The following HDAC9 variants were observed in gnomAD, a reference collection of about 807,000 sequenced individuals.
HDAC9 encodes the protein histone deacetylase 9, also known as MEF-2 interacting transcription repressor (MITR) protein.
Under a neutral mutation model 139.4 loss-of-function variants are expected in HDAC9, and 41 were observed. The ratio of observed to expected loss-of-function variants is 0.29; its 90% CI spans 0.23 to 0.38. The LOEUF is 0.38. Ranked by LOEUF, HDAC9 falls within the 10% of genes least tolerant of loss-of-function variation. The pLI is 1.00. For missense variants in HDAC9, 1,147 were observed against 1,297.0 expected (o/e 0.88, Z 1.78); for synonymous variants, 517 against 476.2 (o/e 1.09, Z -1.12).
At chr7:18,825,839 C>T (rs1030940219) in intron 17 of HDAC9, among the ~76,000 whole-genome samples, 2 of 147,790 alleles carry the variant, frequency 1.4e-5, no homozygotes, top group African/African-American at 2.5e-5. Flanking sequence ...TACATATATG[C>T]ACATAAATAT....
chr7:18,893,072 A>T (rs909638481), intron 22 of HDAC9, among the ~76,000 whole-genome samples: 1 of 147,464 alleles, frequency 6.8e-6, no homozygotes, highest in African/African-American at 2.5e-5. Context: ...AAAGAACCCT[A>T]AGTGCTTTTG....
chr7:18,163,125 A>G (rs17138709), intron 2 of HDAC9, among the ~76,000 whole-genome samples: 9,136 of 152,240 alleles, frequency 0.06, 288 homozygotes, highest in African/African-American at 0.069. Flanking sequence ...CTTATGTACT[A>G]TCATACTCAG....
intron 2 of HDAC9, among the ~76,000 whole-genome samples, chr7:18,556,937 CTTTTA>C (rs1818988938): frequency 6.6e-6 from 1 of 151,880 alleles, no homozygotes; most frequent in African/African-American, 2.4e-5. Flanking sequence ...TTTATTCAGT[CTTTTA>C]TTTGCTTCCT....
At chr7:18,669,177 TG>T (rs1456457364) in intron 12 of HDAC9, among the ~76,000 whole-genome samples, 1 of 151,782 alleles carries the variant, frequency 6.6e-6, no homozygotes, top group Non-Finnish European at 1.5e-5. Context: ...TCTAAATAGA[TG>T]TCAGTTCCTA....
At chr7:18,611,224 A>G (rs1275470153) in intron 6 of HDAC9, among the ~76,000 whole-genome samples, 2 of 152,154 alleles carry the variant, frequency 1.3e-5, no homozygotes, top group African/African-American at 4.8e-5. Flanking sequence ...GTGTTTTTCC[A>G]TAGTAAAACA....
intron 11 of HDAC9, among the ~76,000 whole-genome samples, chr7:18,655,036 A>G (rs991724801): frequency 6.6e-6 from 1 of 152,168 alleles, no homozygotes; most frequent in Non-Finnish European, 1.5e-5. Flanking sequence ...AGTTCTGGGC[A>G]AGCCTGAAGC....
At chr7:18,987,819 T>C (rs1785495033) in intron 25 of HDAC9, among the ~76,000 whole-genome samples, 1 of 152,192 alleles carries the variant, frequency 6.6e-6, no homozygotes, top group East Asian at 1.9e-4. Context: ...TCCAGGAATT[T>C]ATCCATTTCT....
At chr7:18,912,994 T>A (rs1802871792) in intron 22 of HDAC9, among the ~76,000 whole-genome samples, 1 of 151,986 alleles carries the variant, frequency 6.6e-6, no homozygotes. Flanking sequence ...AACTAAAGAG[T>A]TTTCAGTGAA....
Position 18,644,731 on chromosome 7 carries a change from T to C in HDAC9, c.973T>C (p.Tyr325His). 1 of 1,612,516 alleles carries C rather than the reference T, an allele frequency of 6.2e-7. No homozygotes were observed. The highest frequency in any genetic ancestry group is 8.5e-7 in the Non-Finnish European group (1 of 1,179,104). ...HEDSMNLLSL[Y>H]TSPSLPNITL... Reference sequence around the variant, plus strand: ...AGATTCCATGAACCTGCTAAGTCTTTATACCTCTCCTTCTTTGCCCAACAT... The same window carrying C: ...AGATTCCATGAACCTGCTAAGTCTTCATACCTCTCCTTCTTTGCCCAACAT... The change falls in exon 9 of 26, where the codon TAT becomes CAT. Residue 325 changes from tyrosine to histidine, a missense_variant. This residue lies in a region of HDAC9 where 264 missense variants were observed against 273.8 expected (regional missense o/e 0.96). Coordinates refer to ENST00000686413, the MANE Select transcript of HDAC9 (RefSeq NM_178425.4).
chr7:18,668,923 C>A, intron 12 of HDAC9: 1 of 974,266 alleles, frequency 1.0e-6, no homozygotes, highest in Non-Finnish European at 1.2e-6. Context: ...TCTCATATAT[C>A]AAAATACATT....
intron 1 of HDAC9, among the ~76,000 whole-genome samples, chr7:18,442,059 T>A (rs1474213437): frequency 6.6e-6 from 1 of 152,130 alleles, no homozygotes; most frequent in Non-Finnish European, 1.5e-5. Flanking sequence ...CGTGAGCCCC[T>A]GTGCCCGGCT....
chr7:18,984,544 A>T (rs1785173868), intron 25 of HDAC9, among the ~76,000 whole-genome samples: 1 of 152,168 alleles, frequency 6.6e-6, no homozygotes. Flanking sequence ...ACAGCCAAGA[A>T]ACCCTTATGG....
chr7:18,942,398 G>C (rs1032781516), intron 23 of HDAC9, among the ~76,000 whole-genome samples: 1 of 152,006 alleles, frequency 6.6e-6, no homozygotes, highest in Non-Finnish European at 1.5e-5. Context: ...GGAGAGGTAT[G>C]TTGAGTAGAA....
chr7:18,881,270 C>CA (rs1365336485), intron 22 of HDAC9, among the ~76,000 whole-genome samples: 2 of 151,966 alleles, frequency 1.3e-5, no homozygotes, highest in Non-Finnish European at 2.9e-5. Context: ...CCAGTTATTA[C>CA]AGAGGATAAG....
intron 6 of HDAC9, among the ~76,000 whole-genome samples, chr7:18,596,671 T>C (rs1408997959): frequency 6.6e-6 from 1 of 152,130 alleles, no homozygotes; most frequent in African/African-American, 2.4e-5. Context: ...TCATAGAGTG[T>C]AAACACCAGC....
intron 1 of HDAC9, among the ~76,000 whole-genome samples, chr7:18,449,994 G>T (rs1014563279): frequency 6.6e-6 from 1 of 151,968 alleles, no homozygotes; most frequent in Non-Finnish European, 1.5e-5. Context: ...ACTGAAATAC[G>T]TTCTAACAAA....
At chr7:18,555,599 G>A (rs745572976) in intron 2 of HDAC9, among the ~76,000 whole-genome samples, 1 of 152,182 alleles carries the variant, frequency 6.6e-6, no homozygotes, top group African/African-American at 2.4e-5. Context: ...ACACAGATGT[G>A]TGTATATGAA....
chr7:18,176,578 A>T (rs890848896), intron 2 of HDAC9, among the ~76,000 whole-genome samples: 2 of 152,198 alleles, frequency 1.3e-5, no homozygotes, highest in Admixed American at 1.3e-4. Flanking sequence ...AAAAATTATT[A>T]TAATTAGAGA....
intron 24 of HDAC9, among the ~76,000 whole-genome samples, chr7:18,955,181 C>T (rs1353594575): frequency 6.6e-6 from 1 of 152,042 alleles, no homozygotes; most frequent in African/African-American, 2.4e-5. Flanking sequence ...TGCTGGGGTG[C>T]ACTATTCAAG....
Sources: allele counts gnomAD v4.1 joint callset (sites outside exome capture counted in the v4.1 genomes callset), GRCh38; gene constraint gnomAD v4.1.1; regional missense constraint gnomAD v4.1.1; transcripts MANE v1.5; gene names NCBI Gene and HGNC (gene_info 2026-07-23, HGNC 2026-07-21).